BCAT1: variants seen among roughly 807,000 people sequenced by gnomAD.
The protein encoded by BCAT1 is branched-chain-amino-acid aminotransferase, cytosolic.
In BCAT1, 48 loss-of-function variants were observed where a neutral mutation model predicts 52.4. The observed-to-expected ratio is 0.92, with a 90% CI of 0.73 to 1.16. The LOEUF (loss-of-function observed/expected upper bound fraction) is 1.16. Ranked by LOEUF, BCAT1 falls within the 50% of genes most tolerant of loss-of-function variation. The probability of loss-of-function intolerance (pLI) is 0.00; values close to 1 mark genes in which losing one functional copy is unlikely to be tolerated. For synonymous variants in BCAT1, 167 were observed against 161.3 expected, an observed-to-expected ratio of 1.04 and a Z score of -0.27; for missense variants, 451 against 457.1, an observed-to-expected ratio of 0.99 and a Z score of 0.12.
At position 24,813,472 on chromosome 12, in the gene BCAT1, G is replaced by A. The variant is rs1306609730; in HGVS notation, c.*4536C>T. The A allele has an allele frequency of 1.3e-5, 2 of 151,970 alleles. No individual in the cohort carries two copies. Among genetic ancestry groups the A allele is most frequent in the African/African-American group, 2.4e-5 (1 of 41,414 alleles). The allele number at this position is 151,970 out of a possible 1,614,324, so 9.4% of individuals were successfully genotyped here. On this transcript the variant is annotated 3_prime_UTR_variant, in exon 11 of 11. Coordinates refer to ENST00000261192, the MANE Select transcript of BCAT1 (RefSeq NM_005504.7). ...ATATTTTCTAGAAAAATTCACTCTA[G>A]GATCATTTTCTTTGTTTATTTCCAT...
chr12:24,870,893 C>T (rs1490960647), intron 5 of BCAT1, among the ~76,000 whole-genome samples: 1 of 152,056 alleles, frequency 6.6e-6, no homozygotes, highest in Non-Finnish European at 1.5e-5. Flanking sequence ...TGTAGTGGTG[C>T]ACGCCTGTAG....
intron 10 of BCAT1, 31 bp downstream of exon 10, chr12:24,829,792 G>GAAAGAAAAGA (rs3830305): frequency 6.8e-6 from 10 of 1,469,420 alleles, no homozygotes; most frequent in African/African-American, 1.4e-5. Flanking sequence ...AAAAGAAAAG[G>GAAAGAAAAGA]AAAGAAAAGA....
intron 10 of BCAT1, among the ~76,000 whole-genome samples, chr12:24,822,572 A>G (rs1406029038): frequency 6.6e-6 from 1 of 152,232 alleles, no homozygotes; most frequent in African/African-American, 2.4e-5. Flanking sequence ...ACAATCTAGG[A>G]GCTTAGCTGA....
At chr12:24,851,103 C>T (rs1941497868) in intron 5 of BCAT1, among the ~76,000 whole-genome samples, 1 of 152,094 alleles carries the variant, frequency 6.6e-6, no homozygotes. Flanking sequence ...TTGAAGGCTA[C>T]ATATTAAGGT....
chr12:24,901,951 C>G (rs1417371324), intron 1 of BCAT1, 66 bp from the exon 2 acceptor site: 1 of 1,612,760 alleles, frequency 6.2e-7, no homozygotes, highest in African/African-American at 1.3e-5. Flanking sequence ...GGGTAACCTA[C>G]GTGACGCTCA....
intron 2 of BCAT1, among the ~76,000 whole-genome samples, chr12:24,899,278 G>C (rs1332172717): frequency 6.6e-6 from 1 of 152,084 alleles, no homozygotes; most frequent in Non-Finnish European, 1.5e-5. Context: ...GACCCAAAAG[G>C]CCATATGAAA....
chr12:24,907,631 C>CTT (rs1340413592), intron 1 of BCAT1, among the ~76,000 whole-genome samples: 1 of 152,234 alleles, frequency 6.6e-6, no homozygotes, highest in Non-Finnish European at 1.5e-5. Flanking sequence ...TTTCCCCACC[C>CTT]TTGTGAATGC....
chr12:24,933,929 ACCCCACCC>A (rs1943716289), intron 1 of BCAT1, among the ~76,000 whole-genome samples: 1 of 151,864 alleles, frequency 6.6e-6, no homozygotes, highest in South Asian at 2.1e-4. Context: ...AAGGCTGGTC[ACCCCACCC>A]TAATCTTATT....
Position 24,810,219 on chromosome 12 carries a change from C to T in BCAT1, c.*7789G>A, listed in dbSNP as rs1372468569. The T allele has an allele frequency of 4.6e-5, 7 of 152,198 alleles. No individual in the cohort carries two copies. The highest frequency in any genetic ancestry group is 3.9e-4 in the East Asian group (2 of 5,184). 9.4% of individuals were successfully genotyped at this position (152,198 alleles called of 1,614,324 possible). A position where few individuals can be genotyped will look rare whatever the true frequency, so the allele number is the denominator to read the frequency against. The stretch of plus-strand genomic sequence containing the variant: ...AAGCATCTACACCTCAGCTGTCGGC[C>T]GTTTGGTTACAGAAATGCGATCCTG... On this transcript the variant is annotated 3_prime_UTR_variant, in exon 11 of 11. Coordinates refer to ENST00000261192, the MANE Select transcript of BCAT1 (RefSeq NM_005504.7).
intron 5 of BCAT1, among the ~76,000 whole-genome samples, chr12:24,855,731 AT>A (rs1430116579): frequency 1.3e-5 from 2 of 152,156 alleles, no homozygotes; most frequent in Non-Finnish European, 2.9e-5. Context: ...AAGTCCGCCC[AT>A]GGGCCAGACC....
chr12:24,841,588 A>G (rs545295452), intron 7 of BCAT1, among the ~76,000 whole-genome samples: 194 of 152,280 alleles, frequency 1.3e-3, no homozygotes, highest in African/African-American at 4.5e-3. Context: ...ACGAAAAACA[A>G]AAAACCTCTA....
At chr12:24,949,135 T>G (rs1345926424), upstream of BCAT1, 3 of 590,178 alleles carry the variant, frequency 5.1e-6, no homozygotes, top group Non-Finnish European at 9.0e-6. Flanking sequence ...ACTCGCGACC[T>G]AGCGGATTGC....
chr12:24,904,840 GTTAA>G (rs1300652740), intron 1 of BCAT1, among the ~76,000 whole-genome samples: 1 of 152,174 alleles, frequency 6.6e-6, no homozygotes, highest in Non-Finnish European at 1.5e-5. Context: ...AGAGAAAAGT[GTTAA>G]TTGTGTTAGA....
intron 2 of BCAT1, among the ~76,000 whole-genome samples, chr12:24,895,862 C>T (rs892862269): frequency 2.0e-5 from 3 of 152,010 alleles, no homozygotes; most frequent in East Asian, 1.9e-4. Context: ...AAACATATTC[C>T]AAAACAAACA....
intron 5 of BCAT1, among the ~76,000 whole-genome samples, chr12:24,871,023 A>C (rs571093875): frequency 6.6e-6 from 1 of 152,084 alleles, no homozygotes; most frequent in African/African-American, 2.4e-5. Context: ...ACTCTGTCTC[A>C]AAAAAAGAAA....
chr12:24,947,167 C>CCACACACA lies in BCAT1; in HGVS notation c.6+1752_6+1759dup, dbSNP rs57265449. Reference sequence around the variant, plus strand: ...CCCCACTAGGCCTCCCGTCTTCCCTCCACACACACACACACACACACACAC... The same window carrying CCACACACA: ...CCCCACTAGGCCTCCCGTCTTCCCTCCACACACACACACACACACACACACACACACAC... On this transcript the variant is annotated intron_variant, in intron 1 of 10. Coordinates refer to ENST00000261192, the MANE Select transcript of BCAT1 (RefSeq NM_005504.7). 3.2e-3 allele frequency among the ~76,000 whole-genome samples: 448 copies of CCACACACA among 141,234 alleles called. 5 individuals are homozygous for CCACACACA. The highest frequency in any genetic ancestry group is 0.024 in the East Asian group (112 of 4,724). The allele number at this position is 141,234 out of a possible 152,430, so 92.7% of individuals were successfully genotyped here.
chr12:24,867,337 C>CTT (rs35488171), intron 5 of BCAT1, among the ~76,000 whole-genome samples: 3 of 128,814 alleles, frequency 2.3e-5, no homozygotes, highest in Admixed American at 7.8e-5. Flanking sequence ...TCGAAAATAT[C>CTT]TTTTTTTTTT....
At chr12:24,920,232 C>CT (rs1275379748) in intron 1 of BCAT1, among the ~76,000 whole-genome samples, 1 of 152,118 alleles carries the variant, frequency 6.6e-6, no homozygotes, top group Non-Finnish European at 1.5e-5. Context: ...CATATTGAGT[C>CT]TTTAGACCTT....
At chr12:24,895,431 C>A (rs1942937243) in intron 2 of BCAT1, among the ~76,000 whole-genome samples, 1 of 151,310 alleles carries the variant, frequency 6.6e-6, no homozygotes, top group South Asian at 2.1e-4. Context: ...GAGGCTGAGG[C>A]AGGAAAATCA....
Sources: gnomAD v4.1 joint callset for allele counts (sites outside exome capture counted in the v4.1 genomes callset) on GRCh38, gnomAD v4.1.1 for gene constraint, MANE v1.5 for transcripts, NCBI Gene and HGNC (gene_info 2026-07-23, HGNC 2026-07-21) for gene names.